The following RNF216 variants were observed in gnomAD, a reference collection of about 807,000 sequenced individuals.
RNF216 encodes the protein ring finger protein 216, also known as E3 ubiquitin-protein ligase RNF216.
RNF216 carries 72 observed loss-of-function variants against 110.8 expected under a neutral mutation model. The ratio of observed to expected loss-of-function variants is 0.65; its 90% CI spans 0.54 to 0.79. The LOEUF is 0.79. Ranked by LOEUF, RNF216 falls within the 30% of genes least tolerant of loss-of-function variation. The probability of loss-of-function intolerance (pLI) is 0.00; values close to 1 mark genes in which losing one functional copy is unlikely to be tolerated. For synonymous variants in RNF216, 495 were observed against 407.5 expected (o/e 1.21, Z -2.59); for missense variants, 1,342 against 1,141.2 (o/e 1.18, Z -2.54).
intron 13 of RNF216, among the ~76,000 whole-genome samples, chr7:5,677,730 G>A (rs1208727654): frequency 2.0e-5 from 3 of 152,234 alleles, no homozygotes; most frequent in Non-Finnish European, 4.4e-5. Context: ...CCTGTGCAGA[G>A]TCCTGGGAGT....
At chr7:5,781,136 G>GCCCGCCT (rs1310535934) in intron 1 of RNF216, among the ~76,000 whole-genome samples, 2 of 152,176 alleles carry the variant, frequency 1.3e-5, no homozygotes, top group African/African-American at 4.8e-5. Context: ...CACAGGCACG[G>GCCCGCCT]CCCGCCTCCC....
chr7:5,741,581 T>G lies in RNF216; in HGVS notation c.436A>C (p.Thr146Pro), dbSNP rs149159792. 5.3e-5 allele frequency: 86 copies of G among 1,614,078 alleles called. No homozygotes were observed. In the African/African-American group the frequency reaches 1.1e-3, roughly 20 times the overall value. ...DLGPPGISEF[T>P]KPSGQTEREP... is the part of the protein sequence containing the mutation. ...CTTTCTGTTTGGCCACTTGGCTTAG[T>G]GAATTCAGAGATTCCAGGAGGCCCA... Residue 146 changes from threonine to proline, a missense_variant, in exon 4 of 17, where the codon ACT becomes CCT. Coordinates refer to ENST00000389902, the MANE Select transcript of RNF216 (RefSeq NM_207111.4).
chr7:5,717,986 T>C (rs1363795300), intron 9 of RNF216, among the ~76,000 whole-genome samples: 1 of 151,984 alleles, frequency 6.6e-6, no homozygotes, highest in East Asian at 1.9e-4. Context: ...TCTGCTACTA[T>C]CTGGATAAGA....
At chr7:5,771,868 G>A (rs768650322) in intron 1 of RNF216, among the ~76,000 whole-genome samples, 3 of 152,054 alleles carry the variant, frequency 2.0e-5, no homozygotes, top group Non-Finnish European at 2.9e-5. Flanking sequence ...TGAGTACCCC[G>A]AGGAAACGCA....
chr7:5,659,794 C>T (rs886816279), intron 13 of RNF216, among the ~76,000 whole-genome samples: 1 of 152,158 alleles, frequency 6.6e-6, no homozygotes, highest in Non-Finnish European at 1.5e-5. Flanking sequence ...GGTGTGCCAA[C>T]ACCAAGCCTG....
intron 14 of RNF216, chr7:5,649,791 A>G (rs1374288738): frequency 6.6e-6 from 1 of 152,238 alleles, no homozygotes; most frequent in African/African-American, 2.4e-5. Context: ...AAGCCTCAAC[A>G]GATGCTGACT....
At chr7:5,672,056 A>AT (rs1789955670) in intron 13 of RNF216, among the ~76,000 whole-genome samples, 2 of 152,234 alleles carry the variant, frequency 1.3e-5, no homozygotes, top group African/African-American at 4.8e-5. Flanking sequence ...GTGGCCATTG[A>AT]TGACTATCAA....
At chr7:5,644,584 C>T (rs1045467655) in intron 14 of RNF216, among the ~76,000 whole-genome samples, 1 of 151,896 alleles carries the variant, frequency 6.6e-6, no homozygotes, top group African/African-American at 2.4e-5. Context: ...CAGCTCACTG[C>T]AACTTCCGCC....
rs145934676 is a variant in RNF216 at position 5,711,818 on chromosome 7, C to A, written c.2004G>T (p.Pro668=). ...ELVRCPSCSF[P]ALLDSDVKRF... ...TCTTCACATCACTGTCCAACAGAGC[C>A]GGAAAGCTACAGGACGGGCACCTAG... Residue 668 remains proline, a synonymous_variant, in exon 13 of 17, where the codon CCG becomes CCT. Coordinates refer to ENST00000389902, the MANE Select transcript of RNF216 (RefSeq NM_207111.4). 25 of 1,613,794 alleles carry A rather than the reference C, an allele frequency of 1.5e-5. No homozygotes were observed. Among genetic ancestry groups the A allele is most frequent in the Admixed American group, 5.0e-5 (3 of 59,970 alleles).
At chr7:5,675,858 C>T (rs1242541472) in intron 13 of RNF216, among the ~76,000 whole-genome samples, 2 of 151,802 alleles carry the variant, frequency 1.3e-5, no homozygotes, top group Admixed American at 1.3e-4. Context: ...TACAGGCATG[C>T]ACCACCATGC....
intron 13 of RNF216, among the ~76,000 whole-genome samples, chr7:5,693,011 C>T (rs746915378): frequency 6.6e-6 from 1 of 152,214 alleles, no homozygotes. Flanking sequence ...GGGCATATTG[C>T]ACCCATTGTT....
At chr7:5,656,139 G>A (rs1788726130) in intron 13 of RNF216, among the ~76,000 whole-genome samples, 1 of 152,116 alleles carries the variant, frequency 6.6e-6, no homozygotes, top group Non-Finnish European at 1.5e-5. Context: ...CATGGTGGCG[G>A]GCTTCTGTAA....
At chr7:5,756,351 T>C (rs1246741990) in intron 2 of RNF216, among the ~76,000 whole-genome samples, 2 of 152,228 alleles carry the variant, frequency 1.3e-5, no homozygotes, top group East Asian at 1.9e-4. Context: ...ACTAATACAG[T>C]TGCTTTCATG....
In RNF216 at chr7:5,735,362, G is replaced by T. The variant is rs185772888; in HGVS notation, c.1121+3914C>A. Among the ~76,000 whole-genome samples the T allele has an allele frequency of 6.2e-4, 95 of 152,174 alleles. No homozygotes were observed. In the Middle Eastern group the frequency reaches 0.014, roughly 22 times the overall value. ...TAGGCACCATGGGAGCCAGCAGGAA[G>T]AACAGAATATGATTCCCAAGAACTT... On this transcript the variant is annotated intron_variant, in intron 5 of 16. Coordinates refer to ENST00000389902, the MANE Select transcript of RNF216 (RefSeq NM_207111.4).
intron 13 of RNF216, among the ~76,000 whole-genome samples, chr7:5,687,286 C>A (rs886691171): frequency 6.7e-6 from 1 of 149,010 alleles, no homozygotes; most frequent in Non-Finnish European, 1.5e-5. Flanking sequence ...ATCTCAGCTA[C>A]TTGGGAGGCT....
intron 13 of RNF216, among the ~76,000 whole-genome samples, chr7:5,679,915 G>A (rs889768181): frequency 1.3e-5 from 2 of 152,098 alleles, no homozygotes; most frequent in African/African-American, 2.4e-5. Context: ...CTCCACAGTC[G>A]GCTTTAAGAA....
chr7:5,668,273 G>T (rs941747617), intron 13 of RNF216, among the ~76,000 whole-genome samples: 7 of 150,394 alleles, frequency 4.7e-5, no homozygotes, highest in African/African-American at 1.7e-4. Context: ...GCCCCGGCTG[G>T]AGTGCAGTGG....
chr7:5,639,589 T>C (rs1219140241), intron 15 of RNF216, among the ~76,000 whole-genome samples: 1 of 150,522 alleles, frequency 6.6e-6, no homozygotes, highest in Non-Finnish European at 1.5e-5. Flanking sequence ...GTCTCCTGAG[T>C]AGCTGGTATT....
In RNF216 at chr7:5,741,614, G is replaced by C; in HGVS notation, c.403C>G (p.Leu135Val). ...DDSEDDYGEFLDLGPPGISEF... is the reference protein window; with the variant it reads ...DDSEDDYGEFVDLGPPGISEF... ...GAGATTCCAGGAGGCCCAAGATCCA[G>C]AAATTCACCGTAGTCATCCTCAGAA... The change falls in exon 4 of 17, where the codon CTG becomes GTG. Residue 135 changes from leucine (L) to valine (V), a missense_variant. Transcript: ENST00000389902. 1 of 1,614,166 alleles carries C rather than the reference G, an allele frequency of 6.2e-7. No individual in the cohort carries two copies. The highest frequency in any genetic ancestry group is 1.7e-5 in the Admixed American group (1 of 60,008).
Sources: gnomAD v4.1 joint callset for allele counts (sites outside exome capture counted in the v4.1 genomes callset) on GRCh38, gnomAD v4.1.1 for gene constraint, MANE v1.5 for transcripts, NCBI Gene and HGNC (gene_info 2026-07-23, HGNC 2026-07-21) for gene names.